The following GBP4 variants were observed in gnomAD, a reference collection of about 807,000 sequenced individuals.
GBP4 encodes the protein guanylate-binding protein 4.
GBP4 carries 69 observed loss-of-function variants against 62.2 expected under a neutral mutation model. The ratio of observed to expected loss-of-function variants is 1.11; its 90% CI spans 0.91 to 1.36. The LOEUF is 1.36. GBP4 is among the 40% of genes most tolerant of loss of function. GBP4 has a pLI of 0.00. For missense variants in GBP4, 697 were observed against 759.3 expected, an observed-to-expected ratio of 0.92 and a Z score of 0.96; for synonymous variants, 278 against 274.6, an observed-to-expected ratio of 1.01 and a Z score of -0.12.
chr1:89,186,211 T>A, intron 10 of GBP4, 122 bp downstream of exon 10: 1 of 741,718 alleles, frequency 1.3e-6, no homozygotes, highest in Non-Finnish European at 2.3e-6. Context: ...GAGATTTTAG[T>A]GAAACATACA....
intron 5 of GBP4, among the ~76,000 whole-genome samples, chr1:89,192,226 G>A (rs1247629600): frequency 6.6e-6 from 1 of 152,140 alleles, no homozygotes; most frequent in African/African-American, 2.4e-5. Context: ...TTGATTGTAG[G>A]TGCCAACAGG....
intron 3 of GBP4, among the ~76,000 whole-genome samples, chr1:89,194,942 C>T (rs545730518): frequency 6.6e-6 from 1 of 152,164 alleles, no homozygotes; most frequent in Non-Finnish European, 1.5e-5. Flanking sequence ...TCACTTTTTG[C>T]ATCTGTGAAA....
chr1:89,198,197 G>C (rs1648398560), intron 1 of GBP4, among the ~76,000 whole-genome samples: 1 of 152,196 alleles, frequency 6.6e-6, no homozygotes, highest in Non-Finnish European at 1.5e-5. Context: ...GGGGGCTCTG[G>C]GTGCTGTTAA....
chr1:89,185,277 T>C lies in GBP4; in HGVS notation c.1900A>G (p.Lys634Glu). Residue 634 changes from lysine to glutamate, a missense_variant, in exon 11 of 11, where the codon AAA becomes GAA. Physicochemically the swap from Lys to Glu is moderately conservative, Grantham distance 56 (BLOSUM62 1). Around this residue, in one of 2 missense-constraint regions of GBP4, gnomAD observed 141 missense variants for 196.6 expected, o/e 0.72. Transcript: ENST00000355754. ...GASKLLGVGT[K>E]YLGSRI ...TCTTAAATACGTGAGCCAAGATATT[T>C]TGTCCCTACTCCAAGTAGCTTGGAA... is the stretch of plus-strand genomic sequence containing the variant. The C allele has an allele frequency of 6.2e-7, 1 of 1,610,196 alleles. No individual in the cohort carries two copies. The highest frequency in any genetic ancestry group is 8.5e-7 in the Non-Finnish European group (1 of 1,176,542).
At chr1:89,193,536 G>T in intron 3 of GBP4, 124 bp from the exon 4 acceptor site, 1 of 767,900 alleles carries the variant, frequency 1.3e-6, no homozygotes, top group Non-Finnish European at 2.1e-6. Context: ...AACAAATTTT[G>T]AAGCCAATGC....
At chr1:89,197,405 G>GTA (rs1329133224) in intron 1 of GBP4, 101 bp from the exon 2 acceptor site, 1 of 848,458 alleles carries the variant, frequency 1.2e-6, no homozygotes, top group Non-Finnish European at 1.8e-6. Flanking sequence ...TTGTGGAATG[G>GTA]TATATAAAAT....
intron 2 of GBP4, 64 bp downstream of exon 2, chr1:89,197,046 G>A (rs549484071): frequency 1.7e-5 from 23 of 1,381,926 alleles, no homozygotes; most frequent in Non-Finnish European, 2.1e-5. Flanking sequence ...CCCTAGAGGG[G>A]GTGTGATCAG....
At chr1:89,198,382 G>A (rs1027669682) in intron 1 of GBP4, among the ~76,000 whole-genome samples, 2 of 152,074 alleles carry the variant, frequency 1.3e-5, no homozygotes, top group African/African-American at 4.8e-5. Context: ...TTTCAGCTAA[G>A]GGAGAGTCAA....
chr1:89,190,351 T>C, intron 6 of GBP4, 33 bp from the exon 7 acceptor site: 2 of 1,516,290 alleles, frequency 1.3e-6, no homozygotes, highest in South Asian at 1.3e-5. Flanking sequence ...AAATTTACAG[T>C]TCTTACTCAT....
intron 8 of GBP4, among the ~76,000 whole-genome samples, chr1:89,187,480 C>T (rs774281071): frequency 2.0e-5 from 3 of 152,060 alleles, no homozygotes; most frequent in Non-Finnish European, 4.4e-5. Flanking sequence ...ATAAGTGGGA[C>T]TACATCAAAC....
At chr1:89,189,789 C>G (rs1045608363) in intron 7 of GBP4, among the ~76,000 whole-genome samples, 1 of 152,136 alleles carries the variant, frequency 6.6e-6, no homozygotes, top group African/African-American at 2.4e-5. Context: ...TTCTGACCTA[C>G]ATAACTATGA....
chr1:89,197,980 G>A (rs1648391609), intron 1 of GBP4, among the ~76,000 whole-genome samples: 1 of 152,016 alleles, frequency 6.6e-6, no homozygotes, highest in Non-Finnish European at 1.5e-5. Flanking sequence ...CCGAAGAAGG[G>A]GCTAGATTTT....
intron 2 of GBP4, 137 bp from the exon 3 acceptor site, chr1:89,195,561 T>A: frequency 1.1e-6 from 1 of 938,894 alleles, no homozygotes; most frequent in Non-Finnish European, 1.6e-6. Context: ...GCAGGACAAC[T>A]AATCTGACCT....
Position 89,191,295 on chromosome 1 carries a change from C to T in GBP4, c.882G>A (p.Lys294=). Reference sequence around the variant, plus strand: ...TGACAATGATTCCCTCTCTCAGGGTCTTGGTCTTTGCATGGGTGAAGATAT... The same window carrying T: ...TGACAATGATTCCCTCTCTCAGGGTTTTGGTCTTTGCATGGGTGAAGATAT... The part of the protein sequence containing the change: ...CSYIFTHAKT[K]TLREGIIVTG... Residue 294 remains lysine, a synonymous_variant, in exon 6 of 11, where the codon AAG becomes AAA. Coordinates refer to ENST00000355754, the MANE Select transcript of GBP4 (RefSeq NM_052941.5). 3.1e-6 allele frequency: 5 copies of T among 1,614,156 alleles called. No homozygotes were observed. The highest frequency in any genetic ancestry group is 4.2e-6 in the Non-Finnish European group (5 of 1,179,988).
chr1:89,195,921 C>T (rs1355676983), intron 2 of GBP4, among the ~76,000 whole-genome samples: 1 of 152,200 alleles, frequency 6.6e-6, no homozygotes, highest in Non-Finnish European at 1.5e-5. Context: ...TACAGGGCAG[C>T]ACAAGTTAAA....
At chr1:89,192,696 C>T (rs995025501) in intron 5 of GBP4, among the ~76,000 whole-genome samples, 1 of 152,104 alleles carries the variant, frequency 6.6e-6, no homozygotes, top group African/African-American at 2.4e-5. Context: ...TTTAAATTTC[C>T]TCAATGAATT....
chr1:89,195,654 G>A (rs1005723549), intron 2 of GBP4, among the ~76,000 whole-genome samples: 2 of 152,084 alleles, frequency 1.3e-5, no homozygotes, highest in Admixed American at 6.5e-5. Flanking sequence ...TAATGGTGCC[G>A]AGCTGCTGAG....
At position 89,191,261 on chromosome 1, in the gene GBP4, G is replaced by A. The variant is rs756302749; in HGVS notation, c.916C>T (p.Arg306Trp). Reference sequence around the variant, plus strand: ...TGCTTTGGGACAAAAAAAGACTCACGCTTTCCAGTGACAATGATTCCCTCT... The same window carrying A: ...TGCTTTGGGACAAAAAAAGACTCACACTTTCCAGTGACAATGATTCCCTCT... ...LREGIIVTGK[R>W]LGTLVVTYVD... The change falls in exon 6 of 11, where the codon CGG becomes TGG. Residue 306 changes from arginine to tryptophan, a missense_variant and splice_region_variant. Arg to Trp is a moderately radical substitution (Grantham distance 101). Coordinates refer to ENST00000355754, the MANE Select transcript of GBP4 (RefSeq NM_052941.5). The A allele has an allele frequency of 3.7e-6, 6 of 1,610,948 alleles. No individual in the cohort carries two copies. The highest frequency in any genetic ancestry group is 2.2e-5 in the South Asian group (2 of 91,044).
At position 89,195,426 on chromosome 1, in the gene GBP4, T is replaced by C. The variant is rs1317777716; in HGVS notation, c.236-2A>G. On this transcript the variant is annotated splice_acceptor_variant, in intron 2 of 10. Transcript: ENST00000355754. LOFTEE classifies it high-confidence loss of function. Reference sequence around the variant, plus strand: ...GCACCGTGGAGCCCAGAGGGAAGCCTGCAGGGAAGAGGAAAAATAACAAAC... The same window carrying C: ...GCACCGTGGAGCCCAGAGGGAAGCCCGCAGGGAAGAGGAAAAATAACAAAC... The C allele has an allele frequency of 1.2e-6, 2 of 1,613,532 alleles. No homozygotes were observed. Among genetic ancestry groups the C allele is most frequent in the Admixed American group, 3.3e-5 (2 of 59,990 alleles).
Sources: allele counts gnomAD v4.1 joint callset (sites outside exome capture counted in the v4.1 genomes callset), GRCh38; gene constraint gnomAD v4.1.1; regional missense constraint gnomAD v4.1.1; transcripts MANE v1.5; gene names NCBI Gene and HGNC (gene_info 2026-07-23, HGNC 2026-07-21).